The following PRIM1 variants were observed in gnomAD, a reference collection of about 807,000 sequenced individuals.
PRIM1 encodes DNA primase subunit 1.
A neutral mutation model predicts 60.2 loss-of-function variants in PRIM1; 38 were observed. The observed-to-expected ratio is 0.63, with a 90% CI of 0.49 to 0.83. PRIM1 has a LOEUF of 0.83. Ranked by LOEUF, PRIM1 falls within the 40% of genes least tolerant of loss-of-function variation. PRIM1 has a pLI of 0.00. For missense variants in PRIM1, 388 were observed against 506.2 expected, an observed-to-expected ratio of 0.77 and a Z score of 2.24; for synonymous variants, 158 against 160.2, an observed-to-expected ratio of 0.99 and a Z score of 0.10.
At chr12:56,733,416 C>T (rs1953798574) in intron 12 of PRIM1, among the ~76,000 whole-genome samples, 1 of 151,732 alleles carries the variant, frequency 6.6e-6, no homozygotes, top group African/African-American at 2.4e-5. Context: ...GCCTCAGCAT[C>T]CCAAAGTGCT....
chr12:56,739,367 T>G lies in PRIM1; in HGVS notation c.983-4A>C, dbSNP rs1565905473. 1 of 1,547,706 alleles carries G rather than the reference T, an allele frequency of 6.5e-7. No individual in the cohort carries two copies. Among genetic ancestry groups the G allele is most frequent in the South Asian group, 1.2e-5 (1 of 83,022 alleles). On this transcript the variant is annotated splice_region_variant and splice_polypyrimidine_tract_variant and intron_variant, in intron 9 of 12. Transcript: ENST00000338193. ...TCAATAGGCACAGATATGCGACCTG[T>G]AAGACACAAAAGTTATAAACTGATG...
Position 56,741,583 on chromosome 12 carries a change from G to C in PRIM1, c.841-7C>G. 3 of 1,607,558 alleles carry C rather than the reference G, an allele frequency of 1.9e-6. No homozygotes were observed. The highest frequency in any genetic ancestry group is 2.5e-6 in the Non-Finnish European group (3 of 1,178,222). On this transcript the variant is annotated splice_region_variant and splice_polypyrimidine_tract_variant and intron_variant, in intron 8 of 12. Transcript: ENST00000338193. ...TGTCATTTTTGATGTTATTCTAAAAGCAGATACAAGGCCAACATGAGGATC... is the reference window on the plus strand; with the variant it reads ...TGTCATTTTTGATGTTATTCTAAAACCAGATACAAGGCCAACATGAGGATC...
chr12:56,737,387 T>C (rs1953840623), intron 11 of PRIM1, among the ~76,000 whole-genome samples: 1 of 151,728 alleles, frequency 6.6e-6, no homozygotes. Flanking sequence ...TTTGCTCTTG[T>C]TGCCCAGGCT....
At chr12:56,740,090 C>T (rs757963078) in intron 9 of PRIM1, among the ~76,000 whole-genome samples, 10 of 151,664 alleles carry the variant, frequency 6.6e-5, no homozygotes, top group Non-Finnish European at 1.2e-4. Flanking sequence ...GAGCCAAGAT[C>T]GCGCCACTGT....
chr12:56,744,295 A>T (rs1278584489), intron 5 of PRIM1, among the ~76,000 whole-genome samples, 172 bp from the exon 6 acceptor site: 1 of 152,130 alleles, frequency 6.6e-6, no homozygotes, highest in African/African-American at 2.4e-5. Flanking sequence ...ACCTGAGGTC[A>T]AGAGTTCAAG....
chr12:56,732,053 TA>T (rs1330921735), intron 12 of PRIM1, among the ~76,000 whole-genome samples: 1 of 152,220 alleles, frequency 6.6e-6, no homozygotes, highest in Non-Finnish European at 1.5e-5. Flanking sequence ...AACTATCACA[TA>T]TTTAAATAAA....
intron 7 of PRIM1, 74 bp from the exon 8 acceptor site, chr12:56,741,911 C>T: frequency 8.0e-7 from 1 of 1,253,238 alleles, no homozygotes; most frequent in Non-Finnish European, 1.2e-6. Context: ...TGTATTACCA[C>T]AAGGGTGTCT....
At chr12:56,743,671 A>G in intron 6 of PRIM1, 1 of 165,056 alleles carries the variant, frequency 6.1e-6, no homozygotes, top group Non-Finnish European at 1.3e-5. Context: ...CTCCTAATAT[A>G]AGGCTTTTTC....
chr12:56,746,260 T>C, intron 4 of PRIM1, 79 bp from the exon 5 acceptor site: 1 of 1,444,494 alleles, frequency 6.9e-7, no homozygotes, highest in Non-Finnish European at 9.6e-7. Flanking sequence ...ACTTGTTGTT[T>C]CCTGTGCTCC....
Position 56,739,345 on chromosome 12 carries a change from A to G in PRIM1, c.1001T>C (p.Ile334Thr). Reference sequence around the variant, plus strand: ...AAACTGGTCCACTTTCTGCAAATCAATAGGCACAGATATGCGACCTGTAAG... The same window carrying G: ...AAACTGGTCCACTTTCTGCAAATCAGTAGGCACAGATATGCGACCTGTAAG... ...HPKTGRISVP[I>T]DLQKVDQFDP... Residue 334 changes from isoleucine to threonine, a missense_variant, in exon 10 of 13, where the codon ATT (isoleucine) becomes ACT (threonine). By Grantham distance (89) the Ile-to-Thr change is moderately conservative (BLOSUM62 -1). Around this residue, in one of 3 missense-constraint regions of PRIM1, gnomAD observed 211 missense variants for 277.9 expected, o/e 0.76. Coordinates refer to ENST00000338193, the MANE Select transcript of PRIM1 (RefSeq NM_000946.3). The G allele has an allele frequency of 1.3e-6, 2 of 1,581,910 alleles. No homozygotes were observed. The highest frequency in any genetic ancestry group is 1.7e-6 in the Non-Finnish European group (2 of 1,158,874).
chr12:56,743,176 GA>G (rs1184529044), intron 6 of PRIM1, 80 bp from the exon 7 acceptor site: 2 of 1,373,054 alleles, frequency 1.5e-6, no homozygotes, highest in African/African-American at 3.0e-5. Context: ...CCATTGTGGG[GA>G]AAACTACTGC....
At chr12:56,745,098 C>CTCCG (rs1304325723) in intron 5 of PRIM1, among the ~76,000 whole-genome samples, 10 of 146,396 alleles carry the variant, frequency 6.8e-5, no homozygotes, top group Admixed American at 2.7e-4. Context: ...CAGAGCAAGA[C>CTCCG]TCCGTCTCAA....
intron 2 of PRIM1, among the ~76,000 whole-genome samples, chr12:56,747,332 T>C (rs1008198528): frequency 4.6e-5 from 7 of 152,224 alleles, no homozygotes; most frequent in Non-Finnish European, 1.0e-4. Context: ...ATACAAATAA[T>C]GGCCTATTGC....
intron 9 of PRIM1, among the ~76,000 whole-genome samples, chr12:56,739,787 T>TC: frequency 6.6e-6 from 1 of 152,122 alleles, no homozygotes; most frequent in East Asian, 1.9e-4. Context: ...TGCCTCAGCC[T>TC]CCTGAGTTGC....
chr12:56,743,754 C>T, intron 6 of PRIM1: 1 of 246,180 alleles, frequency 4.1e-6, no homozygotes, highest in South Asian at 1.0e-4. Context: ...CAGACCAGGG[C>T]ATGAATCCTA....
chr12:56,739,758 T>C (rs1407230150), intron 9 of PRIM1, among the ~76,000 whole-genome samples: 1 of 152,164 alleles, frequency 6.6e-6, no homozygotes, highest in Non-Finnish European at 1.5e-5. Context: ...CCAGAACTCC[T>C]GGCCTCAAAC....
At chr12:56,748,248 G>A (rs1457180158) in intron 2 of PRIM1, among the ~76,000 whole-genome samples, 1 of 152,088 alleles carries the variant, frequency 6.6e-6, no homozygotes, top group African/African-American at 2.4e-5. Flanking sequence ...ATTTATATGT[G>A]GAATGTTAAG....
intron 11 of PRIM1, among the ~76,000 whole-genome samples, chr12:56,735,625 T>G (rs1209572287): frequency 6.6e-6 from 1 of 151,818 alleles, no homozygotes; most frequent in African/African-American, 2.4e-5. Context: ...CTTTTGGAGA[T>G]TATTAGAAGT....
intron 5 of PRIM1, 68 bp downstream of exon 5, chr12:56,745,977 G>T: frequency 1.4e-6 from 2 of 1,408,780 alleles, no homozygotes; most frequent in African/African-American, 1.5e-5. Flanking sequence ...TTCTTTGACA[G>T]TAAACATATC....
Sources: allele counts gnomAD v4.1 joint callset (sites outside exome capture counted in the v4.1 genomes callset), GRCh38; gene constraint gnomAD v4.1.1; regional missense constraint gnomAD v4.1.1; transcripts MANE v1.5; gene names NCBI Gene and HGNC (gene_info 2026-07-23, HGNC 2026-07-21).